SLIT3: variants seen among roughly 807,000 people sequenced by gnomAD.
SLIT3 encodes the protein slit guidance ligand 3.
SLIT3 carries 68 observed loss-of-function variants against 184.0 expected under a neutral mutation model. The observed-to-expected ratio is 0.37, with a 90% CI of 0.30 to 0.45. The LOEUF is 0.45. SLIT3 is among the 20% of genes least tolerant of loss of function. SLIT3 has a pLI of 1.00. For synonymous variants in SLIT3, 831 were observed against 828.6 expected, an observed-to-expected ratio of 1.00 and a Z score of -0.05; for missense variants, 1,707 against 2,026.0, an observed-to-expected ratio of 0.84 and a Z score of 3.02.
At chr5:168,667,235 CAAT>C (rs1375911882) in intron 35 of SLIT3, among the ~76,000 whole-genome samples, 1 of 152,136 alleles carries the variant, frequency 6.6e-6, no homozygotes, top group Non-Finnish European at 1.5e-5. Context: ...CTACCACTCC[CAAT>C]AGTCTGTCTC....
chr5:168,793,251 T>C (rs1175041094), intron 10 of SLIT3, among the ~76,000 whole-genome samples: 1 of 152,154 alleles, frequency 6.6e-6, no homozygotes, highest in Non-Finnish European at 1.5e-5. Flanking sequence ...CCCTTTTTTC[T>C]TTTCTTTTTT....
intron 4 of SLIT3, among the ~76,000 whole-genome samples, chr5:168,924,493 GGT>G (rs533742883): frequency 1.4e-5 from 2 of 140,524 alleles, no homozygotes; most frequent in Admixed American, 6.9e-5. Flanking sequence ...GGTGTGTAAG[GGT>G]GTGTGTGTGT....
At chr5:169,047,937 C>T (rs1757683551) in intron 4 of SLIT3, among the ~76,000 whole-genome samples, 1 of 151,564 alleles carries the variant, frequency 6.6e-6, no homozygotes, top group Non-Finnish European at 1.5e-5. Context: ...AGCAACTTAG[C>T]ATGGTGCCAC....
At chr5:169,058,778 T>C (rs1758089514) in intron 4 of SLIT3, among the ~76,000 whole-genome samples, 2 of 152,206 alleles carry the variant, frequency 1.3e-5, no homozygotes, top group South Asian at 4.1e-4. Flanking sequence ...AGTCCTCTAC[T>C]TCTTTCTCCT....
At chr5:168,739,838 T>A (rs1763565638) in intron 20 of SLIT3, among the ~76,000 whole-genome samples, 1 of 152,222 alleles carries the variant, frequency 6.6e-6, no homozygotes, top group South Asian at 2.1e-4. Flanking sequence ...GAAGCAGATA[T>A]GAAAATTGAG....
chr5:169,184,967 G>C (rs1763285857), intron 4 of SLIT3, among the ~76,000 whole-genome samples: 1 of 152,206 alleles, frequency 6.6e-6, no homozygotes. Context: ...CAATTTAAAT[G>C]TTGGCTTTGT....
chr5:168,775,037 C>CTT, intron 12 of SLIT3, among the ~76,000 whole-genome samples: 1 of 116,946 alleles, frequency 8.6e-6, no homozygotes, highest in Admixed American at 9.1e-5. Context: ...CCCACCACTG[C>CTT]ATTTTTTTTT....
intron 1 of SLIT3, among the ~76,000 whole-genome samples, chr5:169,287,613 G>C (rs923327513): frequency 6.6e-6 from 1 of 152,152 alleles, no homozygotes; most frequent in African/African-American, 2.4e-5. Flanking sequence ...GATCTCCAGT[G>C]ATACCTCAAA....
At chr5:168,784,699 T>C (rs1756090342) in intron 12 of SLIT3, among the ~76,000 whole-genome samples, 1 of 152,122 alleles carries the variant, frequency 6.6e-6, no homozygotes, top group Admixed American at 6.5e-5. Context: ...ATAAGATGTG[T>C]CCCTTGTTCC....
chr5:168,793,481 A>G (rs1262034771), intron 10 of SLIT3, among the ~76,000 whole-genome samples: 1 of 152,120 alleles, frequency 6.6e-6, no homozygotes, highest in Admixed American at 6.5e-5. Context: ...TCTCTTCTCT[A>G]TTGCCATCCT....
At chr5:169,132,414 G>T (rs1761336505) in intron 4 of SLIT3, among the ~76,000 whole-genome samples, 1 of 152,084 alleles carries the variant, frequency 6.6e-6, no homozygotes, top group East Asian at 1.9e-4. Flanking sequence ...GACATATTTT[G>T]ATACATATTA....
intron 3 of SLIT3, among the ~76,000 whole-genome samples, chr5:169,199,997 G>C (rs1421152647): frequency 6.6e-6 from 1 of 152,230 alleles, no homozygotes; most frequent in African/African-American, 2.4e-5. Context: ...TGCTGATCCG[G>C]GAAGTCACAC....
At chr5:169,072,843 C>G (rs1159123599) in intron 4 of SLIT3, among the ~76,000 whole-genome samples, 1 of 152,188 alleles carries the variant, frequency 6.6e-6, no homozygotes, top group African/African-American at 2.4e-5. Flanking sequence ...CTCTCAGTCT[C>G]CAACACCTTC....
At chr5:168,725,805 C>T (rs2113379292) in intron 20 of SLIT3, among the ~76,000 whole-genome samples, 1 of 152,266 alleles carries the variant, frequency 6.6e-6, no homozygotes, top group South Asian at 2.1e-4. Context: ...GTCCAGTAGA[C>T]CTACCACAAA....
intron 1 of SLIT3, among the ~76,000 whole-genome samples, chr5:169,264,672 G>A (rs1394455575): frequency 6.6e-6 from 1 of 152,172 alleles, no homozygotes; most frequent in Non-Finnish European, 1.5e-5. Flanking sequence ...GTCAAGGAGA[G>A]CAGTGTTTCC....
At position 168,752,998 on chromosome 5, in the gene SLIT3, T is replaced by C. The variant is rs2113471996; in HGVS notation, c.1930A>G (p.Ile644Val). Residue 644 changes from isoleucine to valine, a missense_variant, in exon 18 of 36, where the codon ATC (isoleucine) becomes GTC (valine). This residue lies in a region of SLIT3 where 1,307 missense variants were observed against 1,511.6 expected (regional missense o/e 0.86). Coordinates refer to ENST00000519560, the MANE Select transcript of SLIT3 (RefSeq NM_003062.4). ...LSLYDNRITT[I>V]TPGAFTTLVS... is the part of the protein sequence containing the mutation. Reference sequence around the variant, plus strand: ...AGCGTGGTGAAGGCCCCAGGGGTGATGGTGGTGATCCGATTGTCATAGAGG... The same window carrying C: ...AGCGTGGTGAAGGCCCCAGGGGTGACGGTGGTGATCCGATTGTCATAGAGG... 4 of 1,613,972 alleles carry C rather than the reference T, an allele frequency of 2.5e-6. No homozygotes were observed. The highest frequency in any genetic ancestry group is 3.4e-6 in the Non-Finnish European group (4 of 1,179,984).
chr5:168,972,337 A>ATG (rs60588036), intron 4 of SLIT3, among the ~76,000 whole-genome samples: 38,066 of 118,088 alleles, frequency 0.32, 6,418 homozygotes, highest in South Asian at 0.54. Context: ...GCAGGACAAC[A>ATG]TGTGTGTGTG....
intron 4 of SLIT3, among the ~76,000 whole-genome samples, chr5:169,041,926 C>A (rs912679604): frequency 1.1e-4 from 16 of 152,160 alleles, no homozygotes; most frequent in Admixed American, 6.6e-5. Flanking sequence ...AAGATCCCTT[C>A]CTGGAAATGA....
At chr5:168,961,298 T>C (rs1400981968) in intron 4 of SLIT3, among the ~76,000 whole-genome samples, 1 of 152,236 alleles carries the variant, frequency 6.6e-6, no homozygotes, top group East Asian at 1.9e-4. Flanking sequence ...AAAAGACATG[T>C]ATTTTATTTC....
Sources: allele counts gnomAD v4.1 joint callset (sites outside exome capture counted in the v4.1 genomes callset), GRCh38; gene constraint gnomAD v4.1.1; regional missense constraint gnomAD v4.1.1; transcripts MANE v1.5; gene names NCBI Gene and HGNC (gene_info 2026-07-23, HGNC 2026-07-21).